The following NBPF10 variants were observed in gnomAD, a reference collection of about 807,000 sequenced individuals.
NBPF10 encodes the protein NBPF family member NBPF10.
In NBPF10, 63 loss-of-function variants were observed where a neutral mutation model predicts 77.9. That is an observed-to-expected ratio of 0.81 (90% CI 0.66 to 1.00). NBPF10 has a LOEUF of 1.00. Among genes scored for constraint, NBPF10 ranks in the 50% least tolerant of loss-of-function variants. NBPF10 has a pLI of 0.00. For missense variants in NBPF10, 522 were observed against 679.8 expected (o/e 0.77, Z 2.58); for synonymous variants, 146 against 264.5 (o/e 0.55, Z 4.35).
chr1:146,069,918 A>C (rs1655660312), intron 85 of NBPF10, among the ~76,000 whole-genome samples: 1 of 108,474 alleles, frequency 9.2e-6, no homozygotes, highest in Admixed American at 9.3e-5. Context: ...ACAGAGACAG[A>C]GACAGAGACA....
intron 56 of NBPF10, among the ~76,000 whole-genome samples, chr1:146,092,974 C>G (rs1280368664): frequency 1.9e-5 from 2 of 103,504 alleles, no homozygotes; most frequent in Admixed American, 1.9e-4. Flanking sequence ...CGGGCATGGC[C>G]TGAGACTAGG....
chr1:146,129,502 C>T (rs1367925845), intron 11 of NBPF10, among the ~76,000 whole-genome samples: 1 of 135,716 alleles, frequency 7.4e-6, no homozygotes, highest in Non-Finnish European at 1.6e-5. Context: ...TGTGGAAAGA[C>T]CAAATCTACG....
At chr1:146,067,871 C>T (rs1447400586) in intron 88 of NBPF10, 132 bp downstream of exon 88, 2 of 696,950 alleles carry the variant, frequency 2.9e-6, no homozygotes, top group Non-Finnish European at 5.2e-6. Flanking sequence ...TTCATTACAA[C>T]CTATATGCGC....
intron 19 of NBPF10, among the ~76,000 whole-genome samples, chr1:146,121,893 A>G (rs1658219295): frequency 6.7e-6 from 1 of 149,478 alleles, no homozygotes; most frequent in African/African-American, 2.5e-5. Flanking sequence ...AGACAGAGAC[A>G]GAGAGAAAGT....
At chr1:146,126,607 ACAC>A (rs1658710134) in intron 13 of NBPF10, among the ~76,000 whole-genome samples, 199 bp from the exon 14 acceptor site, 1 of 132,834 alleles carries the variant, frequency 7.5e-6, no homozygotes, top group African/African-American at 2.6e-5. Context: ...ACACACACAC[ACAC>A]ACACACACAC....
At chr1:146,067,274 C>A (rs781874807) in exon 89 of NBPF10, 2 of 555,696 alleles carry the variant, frequency 3.6e-6, no homozygotes, top group South Asian at 1.8e-5. Context: ...TTCCCCTTCC[C>A]CTTCTTTTCA....
At chr1:146,067,129 T>G (rs1208839949) in intron 89 of NBPF10, 51 bp downstream of exon 89, 7 of 625,136 alleles carry the variant, frequency 1.1e-5, no homozygotes, top group African/African-American at 5.3e-5. Context: ...CTGAATCTGT[T>G]GCCTCCAGGT....
At position 146,125,599 on chromosome 1, in the gene NBPF10, G is replaced by A. The variant is rs1449776997; in HGVS notation, c.2027-83C>T. On this transcript the variant is annotated intron_variant, in intron 14 of 89. Coordinates refer to ENST00000583866, the Ensembl canonical transcript of NBPF10. ...AATCCACTGTCTAATCCTCACACAG[G>A]GACTTCAGGCTCCTCAGCATGAGAA... The A allele has an allele frequency of 6.0e-5, 33 of 548,226 alleles. 1 individual carries two copies. The highest frequency in any genetic ancestry group is 5.1e-4 in the African/African-American group (24 of 46,888). 34.0% of individuals were successfully genotyped at this position (548,226 alleles called of 1,614,324 possible). A position where few individuals can be genotyped will look rare whatever the true frequency, so the allele number is the denominator to read the frequency against.
exon 89 of NBPF10, chr1:146,067,231 C>G (rs1464766042): frequency 4.1e-5 from 23 of 558,568 alleles, no homozygotes; most frequent in Middle Eastern, 9.0e-4. Flanking sequence ...TCCCCTTCTT[C>G]TTTCCTTCTT....
At position 146,121,988 on chromosome 1, in the gene NBPF10, G is replaced by C. The variant is rs1658234569; in HGVS notation, c.2585+295C>G. Reference sequence around the variant, plus strand: ...GTGCCCTCATGACACACAGCAAACTGTGATCATGAAAAGAGTGAGCTCAAT... The same window carrying C: ...GTGCCCTCATGACACACAGCAAACTCTGATCATGAAAAGAGTGAGCTCAAT... On this transcript the variant is annotated intron_variant, in intron 19 of 89. Transcript: ENST00000583866. 1.2e-4 allele frequency among the ~76,000 whole-genome samples: 14 copies of C among 118,166 alleles called. No homozygotes were observed. In the South Asian group the frequency reaches 4.7e-3, roughly 39 times the overall value. The allele number at this position is 118,166 out of a possible 152,430, so 77.5% of individuals were successfully genotyped here.
intron 89 of NBPF10, 95 bp from the exon 90 acceptor site, chr1:146,066,656 GAAAAGA>G: frequency 2.0e-6 from 1 of 506,788 alleles, no homozygotes; most frequent in Non-Finnish European, 3.5e-6. Flanking sequence ...GAAGTGGTTA[GAAAAGA>G]AAAAGGATAG....
intron 8 of NBPF10, among the ~76,000 whole-genome samples, 189 bp downstream of exon 8, chr1:146,135,118 A>G: frequency 9.9e-6 from 1 of 101,044 alleles, no homozygotes; most frequent in East Asian, 2.4e-4. Flanking sequence ...GGACACTTGC[A>G]ATACTGTGAC....
intron 4 of NBPF10, among the ~76,000 whole-genome samples, 199 bp downstream of exon 4, chr1:146,140,285 C>T (rs4068089): frequency 2.4e-5 from 3 of 127,536 alleles, no homozygotes; most frequent in African/African-American, 7.7e-5. Context: ...GCTATCCCTG[C>T]ATGGTACAGA....
At chr1:146,111,311 ACTT>A in exon 33 of NBPF10, 1 of 9,948 alleles carries the variant, frequency 1.0e-4, no homozygotes, top group Non-Finnish European at 2.1e-4. Flanking sequence ...GTCTTCTTCC[ACTT>A]CTTGGTACTT....
At chr1:146,076,260 C>A (rs1361138887) in intron 77 of NBPF10, among the ~76,000 whole-genome samples, 12 of 11,856 alleles carry the variant, frequency 1.0e-3, no homozygotes, top group African/African-American at 2.0e-3. Flanking sequence ...CACACACACA[C>A]ACACACACAC....
chr1:146,136,278 G>C, intron 7 of NBPF10, 75 bp downstream of exon 7: 1 of 714,064 alleles, frequency 1.4e-6, no homozygotes, highest in South Asian at 1.7e-5. Flanking sequence ...TAGCTCTTAC[G>C]TCTCCCCACC....
intron 8 of NBPF10, 30 bp from the exon 9 acceptor site, chr1:146,134,295 T>C (rs1553794073): frequency 4.4e-6 from 7 of 1,600,638 alleles, no homozygotes; most frequent in South Asian, 1.1e-5. Flanking sequence ...CGTTCAGGTA[T>C]TTCCCACTTC....
chr1:146,129,487 G>T (rs1659068570), intron 11 of NBPF10, among the ~76,000 whole-genome samples: 2 of 138,108 alleles, frequency 1.4e-5, no homozygotes, highest in East Asian at 4.1e-4. Flanking sequence ...ATAAATATGG[G>T]ACTATGTGGA....
intron 5 of NBPF10, among the ~76,000 whole-genome samples, chr1:146,139,113 T>C (rs1465989903): frequency 8.6e-6 from 1 of 116,280 alleles, no homozygotes; most frequent in African/African-American, 3.0e-5. Flanking sequence ...TTTTTTTTTT[T>C]TTTTGAGATG....
Sources: allele counts gnomAD v4.1 joint callset (sites outside exome capture counted in the v4.1 genomes callset), GRCh38; gene constraint gnomAD v4.1.1; transcripts MANE v1.5; gene names NCBI Gene and HGNC (gene_info 2026-07-23, HGNC 2026-07-21).